GNG7: variants seen among roughly 807,000 people sequenced by gnomAD.
GNG7 encodes the protein guanine nucleotide-binding protein G(I)/G(S)/G(O) subunit gamma-7.
GNG7 carries 1 observed loss-of-function variant against 4.0 expected under a neutral mutation model. The observed-to-expected ratio is 0.25, with a 90% CI of 0.09 to 1.18. The LOEUF (loss-of-function observed/expected upper bound fraction) is 1.18. Among genes scored for constraint, GNG7 ranks in the 50% most tolerant of loss-of-function variants. The pLI is 0.50. For missense variants in GNG7, 86 were observed against 91.9 expected, an observed-to-expected ratio of 0.94 and a Z score of 0.26; for synonymous variants, 34 against 36.9, an observed-to-expected ratio of 0.92 and a Z score of 0.29.
chr19:2,640,235 GGAAA>G (rs1031500754), intron 2 of GNG7, among the ~76,000 whole-genome samples: 17 of 149,666 alleles, frequency 1.1e-4, no homozygotes, highest in African/African-American at 4.2e-4. Context: ...AGAGGGAGAA[GGAAA>G]GAAAGAGAGA....
Position 2,520,647 on chromosome 19 carries a change from C to T in GNG7, c.42G>A (p.Val14=). Residue 14 remains valine (V), a synonymous_variant, in exon 4 of 5, where the codon GTG becomes GTA. Transcript: ENST00000382159. ...TNNIAQARKL[V]EQLRIEAGIE... is the part of the protein sequence containing the mutation. ...TCCCGGCTTCTATGCGTAGCTGTTCCACCAGCTTCCGGGCCTGGGCTATGT... is the reference window on the plus strand; with the variant it reads ...TCCCGGCTTCTATGCGTAGCTGTTCTACCAGCTTCCGGGCCTGGGCTATGT... 1 of 1,552,006 alleles carries T rather than the reference C, an allele frequency of 6.4e-7. No individual in the cohort carries two copies. The highest frequency in any genetic ancestry group is 1.2e-5 in the South Asian group (1 of 84,376).
At position 2,633,505 on chromosome 19, in the gene GNG7, A is replaced by G. The variant is rs1324113162; in HGVS notation, c.-78+12719T>C. On this transcript the variant is annotated intron_variant, in intron 2 of 4. Coordinates refer to ENST00000382159, the MANE Select transcript of GNG7 (RefSeq NM_052847.3). This position sits in a 1 kb window ranked among gnomAD's most constrained non-coding sequence, Gnocchi z 5.9. Reference sequence around the variant, plus strand: ...CGCGCGCGCACACACACACACACACACACACACACACACACACACGAGAGG... The same window carrying G: ...CGCGCGCGCACACACACACACACACGCACACACACACACACACACGAGAGG... 4.9e-5 allele frequency among the ~76,000 whole-genome samples: 7 copies of G among 143,570 alleles called. No individual in the cohort carries two copies. The highest frequency in any genetic ancestry group is 1.5e-4 in the African/African-American group (5 of 34,262). The allele number at this position is 143,570 out of a possible 152,430, so 94.2% of individuals were successfully genotyped here. A position where few individuals can be genotyped will look rare whatever the true frequency, so the allele number is the denominator to read the frequency against.
chr19:2,603,293 C>T (rs796427313), intron 2 of GNG7, among the ~76,000 whole-genome samples: 14 of 152,238 alleles, frequency 9.2e-5, no homozygotes, highest in African/African-American at 3.1e-4. Context: ...TCTCGATCTC[C>T]TGACCTCGTG....
At chr19:2,686,786 C>T (rs1280795039) in intron 1 of GNG7, among the ~76,000 whole-genome samples, 1 of 148,818 alleles carries the variant, frequency 6.7e-6, no homozygotes, top group Non-Finnish European at 1.5e-5. Context: ...GAGTCTCGCT[C>T]TCTCGCCCAG....
chr19:2,516,172 A>G (rs918930207), intron 4 of GNG7, among the ~76,000 whole-genome samples: 4 of 152,000 alleles, frequency 2.6e-5, no homozygotes, highest in Non-Finnish European at 5.9e-5. Context: ...AGTCAAGATT[A>G]CACCATTGCA....
intron 1 of GNG7, among the ~76,000 whole-genome samples, chr19:2,691,148 G>A (rs984270784): frequency 6.6e-6 from 1 of 152,130 alleles, no homozygotes; most frequent in African/African-American, 2.4e-5. Flanking sequence ...CTTACCGCTC[G>A]ATTTTGCTGT....
At chr19:2,620,768 G>A (rs1485056718) in intron 2 of GNG7, among the ~76,000 whole-genome samples, 5 of 152,086 alleles carry the variant, frequency 3.3e-5, no homozygotes, top group Non-Finnish European at 5.9e-5. Context: ...TTGAACCCGG[G>A]AAGTGGAGGT....
chr19:2,544,516 C>A (rs762149991), intron 3 of GNG7, among the ~76,000 whole-genome samples: 9 of 152,154 alleles, frequency 5.9e-5, no homozygotes, highest in Non-Finnish European at 8.8e-5. Flanking sequence ...TCCTGAGTAG[C>A]TGGGGTTATA....
At chr19:2,586,709 G>C (rs1206488468) in intron 2 of GNG7, among the ~76,000 whole-genome samples, 1 of 128,974 alleles carries the variant, frequency 7.8e-6, no homozygotes, top group African/African-American at 2.9e-5. Flanking sequence ...CCTTGGCCGG[G>C]TGCAGTGGCT....
At chr19:2,525,971 A>ATGTTTTTTTT in intron 3 of GNG7, among the ~76,000 whole-genome samples, 1 of 75,678 alleles carries the variant, frequency 1.3e-5, no homozygotes, top group African/African-American at 6.0e-5. Flanking sequence ...CTCCACGCCA[A>ATGTTTTTTTT]TTTTTTTTTT....
intron 2 of GNG7, among the ~76,000 whole-genome samples, chr19:2,644,956 T>C (rs1982625999): frequency 6.6e-6 from 1 of 152,220 alleles, no homozygotes; most frequent in Non-Finnish European, 1.5e-5. Context: ...GAATTACCTC[T>C]CATGACCATT....
intron 4 of GNG7, among the ~76,000 whole-genome samples, chr19:2,518,957 G>A (rs1978294706): frequency 6.6e-6 from 1 of 151,590 alleles, no homozygotes; most frequent in Non-Finnish European, 1.5e-5. Context: ...CACCACGCCT[G>A]GCTAATTTTT....
chr19:2,664,829 G>A (rs557572144), intron 1 of GNG7, among the ~76,000 whole-genome samples: 2 of 152,264 alleles, frequency 1.3e-5, no homozygotes, highest in East Asian at 3.9e-4. Context: ...GGACACTGCA[G>A]GGTGCTGAGC....
intron 2 of GNG7, among the ~76,000 whole-genome samples, chr19:2,591,422 T>C (rs1393648924): frequency 6.6e-6 from 1 of 151,738 alleles, no homozygotes; most frequent in African/African-American, 2.4e-5. Flanking sequence ...TTTTCTAGTA[T>C]GTCACTGTTT....
In GNG7 at chr19:2,677,770, G is replaced by C. The variant is rs73920462; in HGVS notation, c.-135+24876C>G. On this transcript the variant is annotated intron_variant, in intron 1 of 4. Transcript: ENST00000382159. Reference sequence around the variant, plus strand: ...GTGATTCTGCCCCCCATGGGGCACTGGGCAATGTCTGGGGACATCTTTGGT... The same window carrying C: ...GTGATTCTGCCCCCCATGGGGCACTCGGCAATGTCTGGGGACATCTTTGGT... 3.8e-3 allele frequency among the ~76,000 whole-genome samples: 572 copies of C among 152,006 alleles called. 3 individuals carry two copies. The highest frequency in any genetic ancestry group is 0.013 in the African/African-American group (554 of 41,460).
chr19:2,556,213 C>T (rs575757199), intron 2 of GNG7, among the ~76,000 whole-genome samples: 2 of 152,232 alleles, frequency 1.3e-5, no homozygotes, highest in African/African-American at 4.8e-5. Context: ...TGCTGCTGAG[C>T]CGGCAGCCCC....
chr19:2,612,094 C>T (rs537977643), intron 2 of GNG7, among the ~76,000 whole-genome samples: 1 of 152,206 alleles, frequency 6.6e-6, no homozygotes, highest in South Asian at 2.1e-4. Flanking sequence ...AGGATGGTCT[C>T]GATCTCTCAA....
At chr19:2,574,714 C>G (rs1324743823) in intron 2 of GNG7, among the ~76,000 whole-genome samples, 5 of 152,162 alleles carry the variant, frequency 3.3e-5, no homozygotes, top group African/African-American at 1.2e-4. Context: ...TCAGTCCCTG[C>G]TGTCAGTTCT....
intron 3 of GNG7, among the ~76,000 whole-genome samples, chr19:2,542,306 G>A (rs1033788254): frequency 2.6e-5 from 4 of 151,894 alleles, no homozygotes; most frequent in Non-Finnish European, 5.9e-5. Flanking sequence ...AGTCGAGACG[G>A]GGTTTCACCA....
Sources: allele counts gnomAD v4.1 joint callset (sites outside exome capture counted in the v4.1 genomes callset), GRCh38; gene constraint gnomAD v4.1.1; non-coding constraint Gnocchi (gnomAD v3.1); transcripts MANE v1.5; gene names NCBI Gene and HGNC (gene_info 2026-07-23, HGNC 2026-07-21).